Variants in SIMC1 observed in about 807,000 individuals in gnomAD.
SIMC1 encodes SUMO interacting motifs containing 1, also known as SUMO-interacting motif-containing protein 1.
Under a neutral mutation model 82.3 loss-of-function variants are expected in SIMC1, and 55 were observed. The observed-to-expected ratio is 0.67, with a 90% CI of 0.54 to 0.84. SIMC1 has a LOEUF of 0.84. SIMC1 is among the 40% of genes least tolerant of loss of function. SIMC1 has a pLI of 0.00. For synonymous variants in SIMC1, 353 were observed against 426.3 expected (o/e 0.83, Z 2.12); for missense variants, 915 against 1,107.2 (o/e 0.83, Z 2.46).
intron 1 of SIMC1, among the ~76,000 whole-genome samples, chr5:176,275,064 G>A (rs1414043606): frequency 1.3e-5 from 2 of 151,566 alleles, no homozygotes; most frequent in Non-Finnish European, 1.5e-5. Context: ...AATTACCTTG[G>A]GCAGTATGGC....
intron 4 of SIMC1, among the ~76,000 whole-genome samples, chr5:176,300,609 A>C (rs1220983324): frequency 6.6e-6 from 1 of 152,054 alleles, no homozygotes. Flanking sequence ...GACATGAGCC[A>C]CTGCACCCAG....
chr5:176,263,622 G>A, intron 1 of SIMC1: 3 of 1,255,062 alleles, frequency 2.4e-6, no homozygotes, highest in Non-Finnish European at 3.1e-6. Context: ...TGAGGGATCT[G>A]TCCCCATGAT....
intron 1 of SIMC1, among the ~76,000 whole-genome samples, chr5:176,280,881 A>T (rs1581248154): frequency 6.6e-6 from 1 of 151,812 alleles, no homozygotes; most frequent in Non-Finnish European, 1.5e-5. Context: ...CTTCATTTCA[A>T]CTTTGGTGAA....
intron 1 of SIMC1, among the ~76,000 whole-genome samples, chr5:176,268,526 ACT>A (rs1205303363): frequency 6.6e-6 from 1 of 150,766 alleles, no homozygotes. Context: ...ATTTGTAGTA[ACT>A]CTATTCTTAC....
chr5:176,311,412 A>T (rs1764656892), intron 4 of SIMC1, among the ~76,000 whole-genome samples: 1 of 151,716 alleles, frequency 6.6e-6, no homozygotes, highest in Non-Finnish European at 1.5e-5. Context: ...TAATTTTTTT[A>T]TTTTTATTTT....
Position 176,335,295 on chromosome 5 carries a change from T to TTTA in SIMC1, c.2172-1425_2172-1424insTTA, listed in dbSNP as rs1345161805. ...TATCTTTTTTTTTTTTTTTTTTTTT[T>TTTA]AGATTGAGTCTCGCTGTGTTGCCCA... On this transcript the variant is annotated intron_variant, in intron 7 of 9. Coordinates refer to ENST00000429602, the MANE Select transcript of SIMC1 (RefSeq NM_001308195.2). Among the ~76,000 whole-genome samples the TTTA allele has an allele frequency of 4.1e-5, 6 of 146,858 alleles. No individual in the cohort carries two copies. In the East Asian group the frequency reaches 6.0e-4, roughly 15 times the overall value.
intron 4 of SIMC1, chr5:176,308,543 T>C: frequency 6.2e-7 from 1 of 1,602,556 alleles, no homozygotes; most frequent in Non-Finnish European, 8.5e-7. Context: ...TCATAGAAGA[T>C]AAGAACACAA....
intron 1 of SIMC1, among the ~76,000 whole-genome samples, chr5:176,264,500 G>A (rs977206493): frequency 1.3e-5 from 2 of 152,142 alleles, no homozygotes; most frequent in Non-Finnish European, 2.9e-5. Context: ...CCTGAGCCAT[G>A]CCTGGGGCCT....
chr5:176,337,807 CTCTAAG>C (rs1043892095), intron 9 of SIMC1, among the ~76,000 whole-genome samples: 1 of 152,168 alleles, frequency 6.6e-6, no homozygotes, highest in African/African-American at 2.4e-5. Flanking sequence ...ATGTAAGGTA[CTCTAAG>C]TCTATGAAAG....
intron 1 of SIMC1, among the ~76,000 whole-genome samples, chr5:176,262,974 A>G (rs1479697996): frequency 6.6e-6 from 1 of 151,804 alleles, no homozygotes; most frequent in Non-Finnish European, 1.5e-5. Flanking sequence ...TACAAAACTC[A>G]GTTGCTTTCC....
At chr5:176,304,397 CG>C (rs956122928) in intron 4 of SIMC1, 1 of 176,498 alleles carries the variant, frequency 5.7e-6, no homozygotes, top group Non-Finnish European at 1.2e-5. Context: ...CTGTGTTGGC[CG>C]GGCCGGTCTC....
intron 4 of SIMC1, among the ~76,000 whole-genome samples, chr5:176,297,100 T>G (rs142355181): frequency 1.6e-4 from 24 of 152,354 alleles, no homozygotes; most frequent in African/African-American, 5.1e-4. Flanking sequence ...GGATATTTAT[T>G]GAAAGTTTGT....
At position 176,340,901 on chromosome 5, in the gene SIMC1, C is replaced by T. The variant is rs556889297; in HGVS notation, c.2413+3755C>T. 3.3e-5 allele frequency among the ~76,000 whole-genome samples: 5 copies of T among 152,330 alleles called. No homozygotes were observed. The East Asian group carries it at 9.6e-4, about 29-fold the overall frequency. ...AGGGCTCACCCCTGTAATCCTAACA[C>T]TTTGGGATGCTGAGGTGGATGGATC... On this transcript the variant is annotated intron_variant, in intron 9 of 9. Transcript: ENST00000429602.
chr5:176,292,626 C>A (rs1173833103), intron 2 of SIMC1, among the ~76,000 whole-genome samples: 1 of 152,106 alleles, frequency 6.6e-6, no homozygotes, highest in Non-Finnish European at 1.5e-5. Context: ...CTCACTGCAA[C>A]CTCCGCCTCC....
intron 4 of SIMC1, among the ~76,000 whole-genome samples, chr5:176,297,502 CAAA>C (rs896827211): frequency 2.4e-3 from 86 of 35,898 alleles, no homozygotes; most frequent in African/African-American, 7.9e-3. Flanking sequence ...AACTCTGTCT[CAAA>C]AAAAAAAAAA....
chr5:176,296,958 G>A (rs1763841153), intron 4 of SIMC1, among the ~76,000 whole-genome samples: 2 of 152,078 alleles, frequency 1.3e-5, no homozygotes, highest in Non-Finnish European at 2.9e-5. Flanking sequence ...TGATGAGCCG[G>A]GCAGAGAAAG....
In SIMC1 at chr5:176,290,307, A is replaced by G. The variant is rs1385666649; in HGVS notation, c.783A>G (p.Leu261=). The G allele has an allele frequency of 1.2e-6, 2 of 1,613,520 alleles. No individual in the cohort carries two copies. The highest frequency in any genetic ancestry group is 1.1e-5 in the South Asian group (1 of 91,068). Residue 261 remains leucine, a synonymous_variant, in exon 2 of 10, where the codon CTA becomes CTG. Coordinates refer to ENST00000429602, the MANE Select transcript of SIMC1 (RefSeq NM_001308195.2). ...SQTMQCQLPA[L]THPPQEVPCP... Reference sequence around the variant, plus strand: ...CCATGCAGTGCCAACTACCAGCTCTAACTCACCCACCTCAAGAAGTGCCAT... The same window carrying G: ...CCATGCAGTGCCAACTACCAGCTCTGACTCACCCACCTCAAGAAGTGCCAT...
intron 6 of SIMC1, among the ~76,000 whole-genome samples, chr5:176,323,515 T>C (rs188317140): frequency 6.6e-6 from 1 of 152,310 alleles, no homozygotes; most frequent in East Asian, 1.9e-4. Context: ...AAATAGATAT[T>C]ATTGCTCACC....
Position 176,264,151 on chromosome 5 carries a change from TC to T in SIMC1, c.130-25500del, listed in dbSNP as rs568303439. On this transcript the variant is annotated intron_variant, in intron 1 of 9. Transcript: ENST00000429602. ...ACTGGGGCACAGCCCATATGGCTAC[TC>T]CCACAGGTGGGAGTTGGGCCTTTGG... Among the ~76,000 whole-genome samples, 82 of 152,370 alleles carry T rather than the reference TC, an allele frequency of 5.4e-4. 1 individual carries two copies. The East Asian group carries it at 0.015, about 28-fold the overall frequency.
Sources: gnomAD v4.1 joint callset for allele counts (sites outside exome capture counted in the v4.1 genomes callset) on GRCh38, gnomAD v4.1.1 for gene constraint, MANE v1.5 for transcripts, NCBI Gene and HGNC (gene_info 2026-07-23, HGNC 2026-07-21) for gene names.